The following LRRC49 variants were observed in gnomAD, a reference collection of about 807,000 sequenced individuals.
The protein encoded by LRRC49 is leucine-rich repeat-containing protein 49.
In LRRC49, 50 loss-of-function variants were observed where a neutral mutation model predicts 83.3. The ratio of observed to expected loss-of-function variants is 0.60; its 90% CI spans 0.48 to 0.76. LRRC49 has a LOEUF of 0.76. Ranked by LOEUF, LRRC49 falls within the 30% of genes least tolerant of loss-of-function variation. The probability of loss-of-function intolerance (pLI) is 0.00; values close to 1 mark genes in which losing one functional copy is unlikely to be tolerated. For missense variants in LRRC49, 704 were observed against 809.1 expected (o/e 0.87, Z 1.58); for synonymous variants, 286 against 283.3 (o/e 1.01, Z -0.10).
intron 5 of LRRC49, among the ~76,000 whole-genome samples, chr15:70,905,348 A>C (rs2034260907): frequency 3.3e-5 from 5 of 152,204 alleles, no homozygotes; most frequent in Admixed American, 3.3e-4. Flanking sequence ...GAAGGGCTTT[A>C]TAGTAAAATC....
At chr15:70,933,716 G>C (rs1245468680) in intron 7 of LRRC49, among the ~76,000 whole-genome samples, 3 of 152,192 alleles carry the variant, frequency 2.0e-5, no homozygotes, top group Non-Finnish European at 4.4e-5. Flanking sequence ...AGGAGATTTA[G>C]TTTGAAATTT....
intron 7 of LRRC49, 138 bp from the exon 8 acceptor site, chr15:70,936,623 C>A: frequency 1.6e-6 from 1 of 622,800 alleles, no homozygotes; most frequent in African/African-American, 1.8e-5. Flanking sequence ...GAGTGGAGCT[C>A]ACTGTCCAGT....
At chr15:70,894,474 C>T in intron 2 of LRRC49, 2 of 368,686 alleles carry the variant, frequency 5.4e-6, no homozygotes, top group Non-Finnish European at 9.8e-6. Context: ...GATTATTTCC[C>T]CATAATGTCT....
chr15:70,984,063 A>G (rs1278923055), intron 10 of LRRC49, 31 bp from the exon 11 acceptor site: 21 of 1,592,448 alleles, frequency 1.3e-5, no homozygotes, highest in East Asian at 2.2e-5. Flanking sequence ...ATTGCATTAT[A>G]TAACTTTTGT....
intron 15 of LRRC49, among the ~76,000 whole-genome samples, chr15:71,045,284 G>A (rs2039821258): frequency 6.6e-6 from 1 of 152,134 alleles, no homozygotes; most frequent in Non-Finnish European, 1.5e-5. Flanking sequence ...ATACAGCAAA[G>A]TTGAAAGAAT....
chr15:70,977,075 G>A (rs1265337040), intron 9 of LRRC49, among the ~76,000 whole-genome samples: 1 of 152,058 alleles, frequency 6.6e-6, no homozygotes, highest in Non-Finnish European at 1.5e-5. Flanking sequence ...ACAGTTTCCA[G>A]TACTGTTTGA....
intron 11 of LRRC49, among the ~76,000 whole-genome samples, chr15:70,993,807 A>T (rs2037981523): frequency 6.6e-6 from 1 of 152,188 alleles, no homozygotes; most frequent in Admixed American, 6.5e-5. Flanking sequence ...TAAAATTATA[A>T]TAAGGTTTTA....
intron 1 of LRRC49, among the ~76,000 whole-genome samples, chr15:70,856,730 G>C (rs1157745283): frequency 6.6e-6 from 1 of 152,164 alleles, no homozygotes; most frequent in African/African-American, 2.4e-5. Context: ...AGGAGAGTGA[G>C]TCCCAGTGAG....
chr15:70,862,901 A>G (rs923148815), intron 1 of LRRC49, among the ~76,000 whole-genome samples: 1 of 152,120 alleles, frequency 6.6e-6, no homozygotes, highest in African/African-American at 2.4e-5. Flanking sequence ...ACTATTTCTT[A>G]GCAGGAGCAG....
chr15:71,006,099 T>C (rs1250364140), intron 11 of LRRC49, among the ~76,000 whole-genome samples: 1 of 152,210 alleles, frequency 6.6e-6, no homozygotes, highest in Non-Finnish European at 1.5e-5. Context: ...CGTTTGTTTT[T>C]ACCAAATGGG....
chr15:70,861,452 C>T (rs1179813057), intron 1 of LRRC49, among the ~76,000 whole-genome samples: 2 of 115,234 alleles, frequency 1.7e-5, no homozygotes. Context: ...AGAAGAATAG[C>T]ATTATCAGCA....
chr15:70,859,960 C>A, intron 1 of LRRC49: 1 of 763,826 alleles, frequency 1.3e-6, no homozygotes, highest in African/African-American at 1.7e-5. Flanking sequence ...CGAAGACCAC[C>A]AGCGGCTATG....
chr15:70,927,529 G>T (rs1294509306), intron 7 of LRRC49, among the ~76,000 whole-genome samples: 1 of 152,086 alleles, frequency 6.6e-6, no homozygotes, highest in Non-Finnish European at 1.5e-5. Flanking sequence ...TATCTTTTGT[G>T]TTCTGTCTGA....
intron 2 of LRRC49, among the ~76,000 whole-genome samples, chr15:70,884,521 AAC>A (rs1321114778): frequency 6.6e-6 from 1 of 152,130 alleles, no homozygotes; most frequent in Non-Finnish European, 1.5e-5. Flanking sequence ...CTCTGTTTCA[AAC>A]ACACACATAT....
In LRRC49 at chr15:70,898,539, C is replaced by A. The variant is rs2141104026; in HGVS notation, c.194-2383C>A. On this transcript the variant is annotated intron_variant, in intron 3 of 15. Coordinates refer to ENST00000260382, the MANE Select transcript of LRRC49 (RefSeq NM_017691.5). ...CCTGTAACCCCAGCACTTTGGGAGG[C>A]CAAGGTGGGTGGATTGCTTGAGCCC... The A allele has an allele frequency of 1.3e-5, 8 of 598,930 alleles. No individual in the cohort carries two copies. The South Asian group carries it at 1.7e-4, about 13-fold the overall frequency. 37.1% of individuals were successfully genotyped at this position (598,930 alleles called of 1,614,324 possible). A position where few individuals can be genotyped will look rare whatever the true frequency, so the allele number is the denominator to read the frequency against.
At position 71,009,824 on chromosome 15, in the gene LRRC49, A is replaced by ATTT; in HGVS notation, c.1425_1426insTTT (p.Glu475_Thr476insPhe). 1 of 1,611,522 alleles carries ATTT rather than the reference A, an allele frequency of 6.2e-7. No homozygotes were observed. The highest frequency in any genetic ancestry group is 8.5e-7 in the Non-Finnish European group (1 of 1,178,342). ...CATTGCAGCACCTTAAATTCAAGGA[A>ATTT]ACAAATCTTGTAATGCTGCAGCAAT... is the stretch of plus-strand genomic sequence containing the variant. On this transcript the variant is annotated inframe_insertion, in exon 13 of 16. Transcript: ENST00000260382.
At chr15:70,887,548 A>T (rs1277347642), upstream of LRRC49, among the ~76,000 whole-genome samples, 4 of 152,188 alleles carry the variant, frequency 2.6e-5, no homozygotes, top group Non-Finnish European at 5.9e-5. Context: ...CCATTTGATA[A>T]AATTCACCAT....
At chr15:70,885,561 T>A (rs2033384247) in intron 2 of LRRC49, among the ~76,000 whole-genome samples, 1 of 152,082 alleles carries the variant, frequency 6.6e-6, no homozygotes, top group Non-Finnish European at 1.5e-5. Context: ...ACAGAAAGAT[T>A]GAAAGTAGAA....
intron 11 of LRRC49, among the ~76,000 whole-genome samples, chr15:71,004,517 G>T (rs1437886965): frequency 6.6e-6 from 1 of 152,062 alleles, no homozygotes; most frequent in Non-Finnish European, 1.5e-5. Context: ...GGGCAAGGTG[G>T]CATGTGCCTG....
Sources: gnomAD v4.1 joint callset for allele counts (sites outside exome capture counted in the v4.1 genomes callset) on GRCh38, gnomAD v4.1.1 for gene constraint, MANE v1.5 for transcripts, NCBI Gene and HGNC (gene_info 2026-07-23, HGNC 2026-07-21) for gene names.